The following TEAD2 variants were observed in gnomAD, a reference collection of about 807,000 sequenced individuals.
TEAD2 encodes the protein TEA domain transcription factor 2.
In TEAD2, 51 loss-of-function variants were observed where a neutral mutation model predicts 61.4. The observed-to-expected ratio is 0.83, with a 90% CI of 0.66 to 1.05. The LOEUF (loss-of-function observed/expected upper bound fraction) is 1.05. TEAD2 is among the 50% of genes least tolerant of loss of function. TEAD2 has a pLI of 0.00. For missense variants in TEAD2, 509 were observed against 600.0 expected (o/e 0.85, Z 1.58); for synonymous variants, 244 against 243.2 (o/e 1.00, Z -0.03).
chr19:49,356,916 C>G (rs758347063), intron 4 of TEAD2, among the ~76,000 whole-genome samples: 3 of 152,086 alleles, frequency 2.0e-5, no homozygotes, highest in Non-Finnish European at 4.4e-5. Context: ...AGGTCCCTCA[C>G]CTGAGGTCTC....
At chr19:49,355,262 C>T in intron 6 of TEAD2, 50 bp downstream of exon 6, 1 of 1,613,146 alleles carries the variant, frequency 6.2e-7, no homozygotes, top group Non-Finnish European at 8.5e-7. Context: ...AGCTGCAGCC[C>T]CATCCATCCC....
rs1174649324 is a variant in TEAD2 at position 49,348,709 on chromosome 19, A to G, written c.741T>C (p.Val247=). 2 of 1,614,026 alleles carry G rather than the reference A, an allele frequency of 1.2e-6. No individual in the cohort carries two copies. Among genetic ancestry groups the G allele is most frequent in the Non-Finnish European group, 1.7e-6 (2 of 1,180,004 alleles). The change falls in exon 9 of 13, where the codon GTT becomes GTC. Residue 247 remains valine, a synonymous_variant. Coordinates refer to ENST00000593945, the MANE Select transcript of TEAD2 (RefSeq NM_001256660.2). ...FSAFVEPPDA[V]DSYQRHLFVH... The stretch of plus-strand genomic sequence containing the variant: ...GTACCAAAATTTCACTCACAGAATC[A>G]ACTGCATCTGGCGGTTCCACGAAGG...
rs1206208270 is a variant in TEAD2 at position 49,348,695 on chromosome 19, T to A, written c.747+8A>T. 2 of 1,613,412 alleles carry A rather than the reference T, an allele frequency of 1.2e-6. No homozygotes were observed. Among genetic ancestry groups the A allele is most frequent in the Non-Finnish European group, 1.7e-6 (2 of 1,179,560 alleles). ...ATCCCTCAGCGACTGTACCAAAATTTCACTCACAGAATCAACTGCATCTGG... is the reference window on the plus strand; with the variant it reads ...ATCCCTCAGCGACTGTACCAAAATTACACTCACAGAATCAACTGCATCTGG... On this transcript the variant is annotated splice_region_variant and intron_variant, in intron 9 of 12. Transcript: ENST00000593945.
At chr19:49,346,688 G>C (rs1971665265) in intron 10 of TEAD2, among the ~76,000 whole-genome samples, 1 of 152,040 alleles carries the variant, frequency 6.6e-6, no homozygotes, top group African/African-American at 2.4e-5. Flanking sequence ...AATGAATACA[G>C]GACTTGGCAA....
intron 9 of TEAD2, among the ~76,000 whole-genome samples, chr19:49,348,147 G>A (rs1600724132): frequency 6.7e-6 from 1 of 149,832 alleles, no homozygotes; most frequent in Admixed American, 6.9e-5. Context: ...CCACAAAATG[G>A]AAGGAGCCTG....
Position 49,347,310 on chromosome 19 carries a change from C to T in TEAD2, c.801G>A (p.Ala267=), listed in dbSNP as rs146461192. 9.3e-6 allele frequency: 15 copies of T among 1,613,220 alleles called. No individual in the cohort carries two copies. The highest frequency in any genetic ancestry group is 4.0e-5 in the African/African-American group (3 of 74,894). ...GGACGTCCACACTCTCGAGCGGCGG[C>T]GCTCCGGGGCTGGGGCAGTGCTGGC... is the stretch of plus-strand genomic sequence containing the variant. ...HISQHCPSPG[A]PPLESVDVRQ... is the part of the protein sequence containing the mutation. Residue 267 remains alanine, a synonymous_variant, in exon 10 of 13, where the codon GCG becomes GCA. Coordinates refer to ENST00000593945, the MANE Select transcript of TEAD2 (RefSeq NM_001256660.2).
At chr19:49,344,652 A>G (rs1439726517) in intron 10 of TEAD2, among the ~76,000 whole-genome samples, 1 of 152,176 alleles carries the variant, frequency 6.6e-6, no homozygotes, top group Non-Finnish European at 1.5e-5. Context: ...TTACTATGGC[A>G]GTTACTTCTT....
intron 1 of TEAD2, chr19:49,360,360 C>T (rs1269543226): frequency 1.5e-5 from 6 of 401,494 alleles, no homozygotes; most frequent in Non-Finnish European, 2.2e-5. Context: ...TCTGAGGGAG[C>T]GGGGGCTGGA....
chr19:49,351,463 ATTTTG>A, intron 7 of TEAD2, 98 bp from the exon 8 acceptor site: 1 of 1,153,514 alleles, frequency 8.7e-7, no homozygotes, highest in Non-Finnish European at 1.2e-6. Flanking sequence ...GACCCTGTGC[ATTTTG>A]TGCACAATCT....
intron 5 of TEAD2, 94 bp from the exon 6 acceptor site, chr19:49,355,513 G>T: frequency 9.4e-7 from 1 of 1,065,528 alleles, no homozygotes; most frequent in Non-Finnish European, 1.4e-6. Context: ...ACGGGGAGGT[G>T]CAGAGGTGGG....
intron 10 of TEAD2, among the ~76,000 whole-genome samples, chr19:49,344,667 A>G (rs1288371183): frequency 6.6e-6 from 1 of 152,138 alleles, no homozygotes; most frequent in African/African-American, 2.4e-5. Context: ...CTTCTTAGCA[A>G]CCAGTTCAAG....
At chr19:49,353,014 C>A (rs1051909685) in intron 7 of TEAD2, among the ~76,000 whole-genome samples, 3 of 152,130 alleles carry the variant, frequency 2.0e-5, no homozygotes, top group Non-Finnish European at 4.4e-5. Context: ...CTGGCCTCCT[C>A]TAGATTCCTG....
chr19:49,341,243 A>G lies in TEAD2; in HGVS notation c.*81T>C. The G allele has an allele frequency of 8.2e-7, 1 of 1,213,660 alleles. No homozygotes were observed. The highest frequency in any genetic ancestry group is 1.2e-6 in the Non-Finnish European group (1 of 824,550). 75.2% of individuals were successfully genotyped at this position (1,213,660 alleles called of 1,614,324 possible). On this transcript the variant is annotated 3_prime_UTR_variant, in exon 13 of 13. Coordinates refer to ENST00000593945, the MANE Select transcript of TEAD2 (RefSeq NM_001256660.2). The surrounding 1 kb of genome is among the most constrained non-coding windows in gnomAD (Gnocchi z 4.2). ...CCTTTACATCACAGCCCTCTCCCCA[A>G]ATAAGAAGCATGAGGTGAGCTGGAG...
In TEAD2 at chr19:49,342,658, G is replaced by C. The variant is rs1348821415; in HGVS notation, c.1090-68C>G. 4.4e-6 allele frequency: 7 copies of C among 1,575,294 alleles called. No individual in the cohort carries two copies. In the South Asian group the frequency reaches 7.9e-5, roughly 18 times the overall value. On this transcript the variant is annotated intron_variant, in intron 11 of 12. Coordinates refer to ENST00000593945, the MANE Select transcript of TEAD2 (RefSeq NM_001256660.2). ...ACCCACGGGTCACCCCAGGAATTGAGCTCCACCCTGTGCCTCTAAGATGCC... is the reference window on the plus strand; with the variant it reads ...ACCCACGGGTCACCCCAGGAATTGACCTCCACCCTGTGCCTCTAAGATGCC...
intron 11 of TEAD2, 29 bp from the exon 12 acceptor site, chr19:49,342,619 A>G: frequency 6.2e-7 from 1 of 1,600,066 alleles, no homozygotes; most frequent in Non-Finnish European, 8.6e-7. Flanking sequence ...AGTTGGGAAA[A>G]TGGTGGCTGA....
chr19:49,354,752 C>A (rs1972261876), intron 7 of TEAD2, among the ~76,000 whole-genome samples: 1 of 152,166 alleles, frequency 6.6e-6, no homozygotes, highest in Non-Finnish European at 1.5e-5. Context: ...GTAATCCTAG[C>A]ATTTGGGGAG....
rs752080450 is a variant in TEAD2 at position 49,359,518 on chromosome 19, AAC to A, written c.233-21_233-20del. ...TTCCGACCTGAAGATTCAAAGACGG[AAC>A]AGAGTTAGTTAGACTTTCAACAGAA... On this transcript the variant is annotated intron_variant, in intron 2 of 12. Coordinates refer to ENST00000593945, the MANE Select transcript of TEAD2 (RefSeq NM_001256660.2). The surrounding 1 kb of genome is among the most constrained non-coding windows in gnomAD (Gnocchi z 4.1). 15 of 1,613,786 alleles carry A rather than the reference AAC, an allele frequency of 9.3e-6. No individual in the cohort carries two copies. Among genetic ancestry groups the A allele is most frequent in the Non-Finnish European group, 1.2e-5 (14 of 1,179,818 alleles).
In TEAD2 at chr19:49,348,990, T is replaced by C. The variant is rs59812420; in HGVS notation, c.605-145A>G. On this transcript the variant is annotated intron_variant, in intron 8 of 12. Transcript: ENST00000593945. ...CCTCCCTTGCAGTTAGAAGTGGCCATGTGACACAGTCCTAGCCAATGAGAC... is the reference window on the plus strand; with the variant it reads ...CCTCCCTTGCAGTTAGAAGTGGCCACGTGACACAGTCCTAGCCAATGAGAC... 8.4e-6 allele frequency: 9 copies of C among 1,077,170 alleles called. No homozygotes were observed. The East Asian group carries it at 1.7e-4, about 21-fold the overall frequency. 66.7% of individuals were successfully genotyped at this position (1,077,170 alleles called of 1,614,324 possible).
At chr19:49,360,142 T>G in intron 1 of TEAD2, 61 bp from the exon 2 acceptor site, 1 of 1,381,652 alleles carries the variant, frequency 7.2e-7, no homozygotes. Context: ...GACTTGAAGC[T>G]GAGAGGGCTG....
Sources: allele counts gnomAD v4.1 joint callset (sites outside exome capture counted in the v4.1 genomes callset), GRCh38; gene constraint gnomAD v4.1.1; non-coding constraint Gnocchi (gnomAD v3.1); transcripts MANE v1.5; gene names NCBI Gene and HGNC (gene_info 2026-07-23, HGNC 2026-07-21).